The following DAAM2 variants were observed in gnomAD, a reference collection of about 807,000 sequenced individuals.
The protein encoded by DAAM2 is disheveled-associated activator of morphogenesis 2.
In DAAM2, 39 loss-of-function variants were observed where a neutral mutation model predicts 120.7. The observed-to-expected ratio is 0.32, with a 90% confidence interval of 0.25 to 0.42. The LOEUF is 0.42. Ranked by LOEUF, DAAM2 falls within the 10% of genes least tolerant of loss-of-function variation. The pLI is 1.00. For missense variants in DAAM2, 1,283 were observed against 1,401.7 expected, an observed-to-expected ratio of 0.92 and a Z score of 1.35; for synonymous variants, 488 against 524.9, an observed-to-expected ratio of 0.93 and a Z score of 0.96.
intron 23 of DAAM2, 26 bp downstream of exon 23, chr6:39,900,234 T>C (rs760392245): frequency 6.2e-7 from 1 of 1,605,552 alleles, no homozygotes; most frequent in Non-Finnish European, 8.5e-7. Flanking sequence ...CCCCCACTGC[T>C]TGCCAACCCA....
chr6:39,845,275 A>G lies in DAAM2; in HGVS notation c.-56-10972A>G, dbSNP rs569919597. On this transcript the variant is annotated intron_variant, in intron 1 of 24. Transcript: ENST00000274867. ...TATCGCACATACACACCACACATAC[A>G]CAAACCCCATCTATACACACATCAC... Among the ~76,000 whole-genome samples the G allele has an allele frequency of 1.9e-3, 279 of 147,600 alleles. 5 individuals are homozygous for G. Among genetic ancestry groups the G allele is most frequent in the Admixed American group, 0.017 (248 of 14,750 alleles).
chr6:39,864,370 C>CA (rs772022420), intron 3 of DAAM2, 63 bp from the exon 4 acceptor site: 4 of 1,306,682 alleles, frequency 3.1e-6, no homozygotes, highest in Non-Finnish European at 4.4e-6. Flanking sequence ...GAATGAAGCT[C>CA]AGGATCTCAG....
rs577705060 is a variant in DAAM2, at chr6:39,882,717, A to ACG, written c.1846-1243_1846-1242dup. Among the ~76,000 whole-genome samples the ACG allele has an allele frequency of 1.4e-3, 212 of 150,272 alleles. 1 individual carries two copies. The highest frequency in any genetic ancestry group is 5.0e-3 in the African/African-American group (204 of 40,522). ...CTTCTGTGAGCGCACACACACACAC[A>ACG]CGCACACACACACACATACACACAC... On this transcript the variant is annotated intron_variant, in intron 14 of 24. Coordinates refer to ENST00000274867, the MANE Select transcript of DAAM2 (RefSeq NM_001201427.2).
At position 39,838,874 on chromosome 6, in the gene DAAM2, G is replaced by A. The variant is rs1051347272; in HGVS notation, c.-56-17373G>A. 1.4e-4 allele frequency among the ~76,000 whole-genome samples: 22 copies of A among 152,124 alleles called. 1 individual carries two copies. The highest frequency in any genetic ancestry group is 6.8e-3 in the Middle Eastern group (2 of 294). On this transcript the variant is annotated intron_variant, in intron 1 of 24. Coordinates refer to ENST00000274867, the MANE Select transcript of DAAM2 (RefSeq NM_001201427.2). ...GGGTTTCACCATGTTGGCCAGGCTG[G>A]TCTCAAACTCCTGACCGCAAGTGAC...
rs1554187380 is a variant in DAAM2, at chr6:39,904,818, T to TAAG, written c.*2784_*2786dup. On this transcript the variant is annotated 3_prime_UTR_variant, in exon 25 of 25. Transcript: ENST00000274867. ...TCCTTTTTCACTTGCACCTTTTTTA[T>TAAG]AAGAATATATTGTAATACTAAAAAA... 2.9e-5 allele frequency: 13 copies of TAAG among 454,006 alleles called. No homozygotes were observed. Among genetic ancestry groups the TAAG allele is most frequent in the African/African-American group, 1.8e-4 (9 of 50,014 alleles). The allele number at this position is 454,006 out of a possible 1,614,324, so 28.1% of individuals were successfully genotyped here.
chr6:39,818,351 C>A (rs6458124), intron 1 of DAAM2, among the ~76,000 whole-genome samples: 52,802 of 151,976 alleles, frequency 0.35, 11,276 homozygotes, highest in East Asian at 0.69. Context: ...CAGGAAGTAC[C>A]ATCCTCTGTG....
Position 39,875,416 on chromosome 6 carries a change from G to C in DAAM2, c.1249G>C (p.Asp417His), listed in dbSNP as rs1296864163. Residue 417 changes from aspartate to histidine, a missense_variant, in exon 11 of 25, where the codon GAC becomes CAC. Asp to His is a moderately conservative substitution (Grantham distance 81). Around this residue, in one of 3 missense-constraint regions of DAAM2, gnomAD observed 338 missense variants for 443.9 expected, o/e 0.76. Coordinates refer to ENST00000274867, the MANE Select transcript of DAAM2 (RefSeq NM_001201427.2). Reference protein sequence around the residue: ...QIVLQDERGVDPDLAPLENFN... With the variant: ...QIVLQDERGVHPDLAPLENFN... ...TGTCCTCCAGGATGAGCGGGGTGTG[G>C]ACCCTGACCTGGCTCCCTTGGAGAA... The C allele has an allele frequency of 6.2e-7, 1 of 1,613,842 alleles. No homozygotes were observed. Among genetic ancestry groups the C allele is most frequent in the Non-Finnish European group, 8.5e-7 (1 of 1,179,886 alleles).
At chr6:39,836,852 C>T (rs527288069) in intron 1 of DAAM2, among the ~76,000 whole-genome samples, 2 of 152,320 alleles carry the variant, frequency 1.3e-5, no homozygotes, top group East Asian at 3.9e-4. Flanking sequence ...ACTCAAGTTT[C>T]CTGAGCACTT....
intron 1 of DAAM2, among the ~76,000 whole-genome samples, chr6:39,825,583 C>T (rs2114158538): frequency 6.6e-6 from 1 of 152,182 alleles, no homozygotes; most frequent in East Asian, 1.9e-4. Context: ...CACCCTGTCA[C>T]CTGATCACAC....
chr6:39,878,700 A>T lies in DAAM2; in HGVS notation c.1545+112A>T. The T allele has an allele frequency of 8.9e-7, 1 of 1,127,630 alleles. No homozygotes were observed. Among genetic ancestry groups the T allele is most frequent in the Non-Finnish European group, 1.3e-6 (1 of 799,674 alleles). 69.9% of individuals were successfully genotyped at this position (1,127,630 alleles called of 1,614,324 possible). On this transcript the variant is annotated intron_variant, in intron 13 of 24. Transcript: ENST00000274867. The surrounding 1 kb of genome is among the most constrained non-coding windows in gnomAD (Gnocchi z 5.0). ...AGGACCCCAGCATGAGGGAGAAGGG[A>T]GATGGAGACCTTGGGCCAGGATAGA...
Position 39,878,614 on chromosome 6 carries a change from T to C in DAAM2, c.1545+26T>C, listed in dbSNP as rs1764972593. On this transcript the variant is annotated intron_variant, in intron 13 of 24. Coordinates refer to ENST00000274867, the MANE Select transcript of DAAM2 (RefSeq NM_001201427.2). The surrounding 1 kb of genome is among the most constrained non-coding windows in gnomAD (Gnocchi z 5.0). ...GTATGCAAGCATCTCCCCCTTTACATAGTTGAGCCAAGACCCTGGGCTTCA... is the reference window on the plus strand; with the variant it reads ...GTATGCAAGCATCTCCCCCTTTACACAGTTGAGCCAAGACCCTGGGCTTCA... 1.3e-6 allele frequency: 2 copies of C among 1,581,456 alleles called. No individual in the cohort carries two copies. The highest frequency in any genetic ancestry group is 1.7e-6 in the Non-Finnish European group (2 of 1,164,504).
At chr6:39,838,946 A>G (rs1031465721) in intron 1 of DAAM2, among the ~76,000 whole-genome samples, 1 of 150,558 alleles carries the variant, frequency 6.6e-6, no homozygotes, top group Non-Finnish European at 1.5e-5. Context: ...GGCGTGAGCC[A>G]CCGTGCCTGG....
chr6:39,871,966 G>T (rs976494762), intron 9 of DAAM2, among the ~76,000 whole-genome samples: 33 of 152,208 alleles, frequency 2.2e-4, no homozygotes, highest in African/African-American at 7.5e-4. Context: ...CTGCTGTTCT[G>T]ATGTCCAAGG....
intron 1 of DAAM2, among the ~76,000 whole-genome samples, chr6:39,809,857 C>G (rs1384344048): frequency 6.6e-6 from 1 of 152,144 alleles, no homozygotes; most frequent in Non-Finnish European, 1.5e-5. Context: ...CTTTATTTTT[C>G]TTACACAACC....
At chr6:39,851,348 C>A (rs898714517) in intron 1 of DAAM2, among the ~76,000 whole-genome samples, 2 of 152,194 alleles carry the variant, frequency 1.3e-5, no homozygotes, top group African/African-American at 4.8e-5. Context: ...CACTCTGAAC[C>A]ACAGTTTTTG....
Position 39,850,889 on chromosome 6 carries a change from G to A in DAAM2, c.-56-5358G>A, listed in dbSNP as rs149753115. ...ATGTCCCAAAGCAATAGCATTTTCC[G>A]CAAGAGCTAGAGGAGGGGCTCATGA... is the stretch of plus-strand genomic sequence containing the variant. On this transcript the variant is annotated intron_variant, in intron 1 of 24. Coordinates refer to ENST00000274867, the MANE Select transcript of DAAM2 (RefSeq NM_001201427.2). Among the ~76,000 whole-genome samples, 18 of 152,280 alleles carry A rather than the reference G, an allele frequency of 1.2e-4. No individual in the cohort carries two copies. In the East Asian group the frequency reaches 2.3e-3, roughly 20 times the overall value.
chr6:39,882,638 C>A (rs1419238819), intron 14 of DAAM2, among the ~76,000 whole-genome samples: 1 of 151,992 alleles, frequency 6.6e-6, no homozygotes, highest in Non-Finnish European at 1.5e-5. Context: ...GCCTCCCACA[C>A]CCCTTTCCAG....
intron 20 of DAAM2, 71 bp from the exon 21 acceptor site, chr6:39,897,104 A>G: frequency 1.3e-6 from 2 of 1,519,178 alleles, no homozygotes; most frequent in East Asian, 2.3e-5. Context: ...TTAACACTCC[A>G]TCCTCTGACC....
intron 1 of DAAM2, chr6:39,821,731 A>C (rs1762494884): frequency 6.6e-6 from 1 of 152,322 alleles, no homozygotes; most frequent in Admixed American, 6.5e-5. Flanking sequence ...TGGCCCAAGG[A>C]GTGAAGATCC....
Sources: gnomAD v4.1 joint callset for allele counts (sites outside exome capture counted in the v4.1 genomes callset) on GRCh38, gnomAD v4.1.1 for gene constraint, gnomAD v4.1.1 regional missense constraint, Gnocchi (gnomAD v3.1) non-coding constraint, MANE v1.5 for transcripts, NCBI Gene and HGNC (gene_info 2026-07-23, HGNC 2026-07-21) for gene names.